TTLL3: variants seen among roughly 807,000 people sequenced by gnomAD.
TTLL3 encodes tubulin tyrosine ligase like 3.
In TTLL3, 63 loss-of-function variants were observed where a neutral mutation model predicts 75.2. The ratio of observed to expected loss-of-function variants is 0.84; its 90% CI spans 0.68 to 1.03. The LOEUF (loss-of-function observed/expected upper bound fraction) is 1.03, where lower values mean the gene tolerates loss of function less well. Among genes scored for constraint, TTLL3 ranks in the 50% least tolerant of loss-of-function variants. TTLL3 has a pLI of 0.00. For missense variants in TTLL3, 997 were observed against 1,069.9 expected (o/e 0.93, Z 0.95); for synonymous variants, 393 against 418.5 (o/e 0.94, Z 0.74).
rs2081253767 is a variant in TTLL3, at chr3:9,828,463, C to G, written c.1248-497C>G. 5 of 160,554 alleles carry G rather than the reference C, an allele frequency of 3.1e-5. No homozygotes were observed. The South Asian group carries it at 9.0e-4, about 29-fold the overall frequency. 9.9% of individuals were successfully genotyped at this position (160,554 alleles called of 1,614,324 possible). On this transcript the variant is annotated intron_variant, in intron 10 of 13. Transcript: ENST00000685419. ...AGCACTTTGTATACATGATCTCATTCTTAATAAGAACCCAGTGCATACTTC... is the reference window on the plus strand; with the variant it reads ...AGCACTTTGTATACATGATCTCATTGTTAATAAGAACCCAGTGCATACTTC...
intron 5 of TTLL3, among the ~76,000 whole-genome samples, chr3:9,817,248 T>C (rs1435939655): frequency 6.6e-6 from 1 of 151,978 alleles, no homozygotes; most frequent in Non-Finnish European, 1.5e-5. Flanking sequence ...CACGGTGAAA[T>C]GCCGTCTCTA....
chr3:9,815,099 G>A (rs1010596958), intron 4 of TTLL3, among the ~76,000 whole-genome samples: 1 of 151,970 alleles, frequency 6.6e-6, no homozygotes, highest in Non-Finnish European at 1.5e-5. Context: ...AATTAGCTGG[G>A]CCTGGTGGCG....
At chr3:9,816,894 G>A (rs2079922742) in intron 5 of TTLL3, among the ~76,000 whole-genome samples, 2 of 152,112 alleles carry the variant, frequency 1.3e-5, no homozygotes, top group African/African-American at 2.4e-5. Flanking sequence ...TGGGGTTGTG[G>A]CAAGGATGAA....
chr3:9,816,185 G>A lies in TTLL3; in HGVS notation c.427G>A (p.Gly143Ser), dbSNP rs775857734. The A allele has an allele frequency of 2.2e-6, 3 of 1,354,154 alleles. No homozygotes were observed. The highest frequency in any genetic ancestry group is 2.4e-5 in the South Asian group (2 of 85,000). The allele number at this position is 1,354,154 out of a possible 1,614,324, so 83.9% of individuals were successfully genotyped here. A position where few individuals can be genotyped will look rare whatever the true frequency, so the allele number is the denominator to read the frequency against. ...DQMINHYARAGSFTTKVGLCL... is the reference protein window; with the variant it reads ...DQMINHYARASSFTTKVGLCL... ...GATGATAAACCACTACGCCCGGGCT[G>A]GCTCCTTTACCACAAAGGTGGGCTC... is the stretch of plus-strand genomic sequence containing the variant. Residue 143 changes from glycine (G) to serine (S), a missense_variant, in exon 5 of 14, where the codon GGC becomes AGC. Physicochemically the swap from Gly to Ser is moderately conservative, Grantham distance 56. Transcript: ENST00000685419.
chr3:9,819,806 G>T, intron 7 of TTLL3: 1 of 985,512 alleles, frequency 1.0e-6, no homozygotes, highest in Non-Finnish European at 1.2e-6. Flanking sequence ...TCTCTTGTGT[G>T]TGTCATGCAC....
upstream of TTLL3, chr3:9,809,964 G>A: frequency 7.7e-7 from 1 of 1,293,848 alleles, no homozygotes; most frequent in South Asian, 2.5e-5. Flanking sequence ...GCGGAGGGGC[G>A]CGGGATCAGG....
chr3:9,810,211 G>C, upstream of TTLL3: 1 of 1,489,144 alleles, frequency 6.7e-7, no homozygotes. The surrounding 1 kb of genome is among the most constrained non-coding windows in gnomAD (Gnocchi z 4.4). Flanking sequence ...GGCCGGCCCT[G>C]CCTCCGCCCA....
At position 9,825,948 on chromosome 3, in the gene TTLL3, G is replaced by C. The variant is rs766360882; in HGVS notation, c.1003G>C (p.Gly335Arg). 11 of 1,612,322 alleles carry C rather than the reference G, an allele frequency of 6.8e-6. No individual in the cohort carries two copies. The highest frequency in any genetic ancestry group is 8.5e-6 in the Non-Finnish European group (10 of 1,178,594). The change falls in exon 9 of 14, where the codon GGC becomes CGC. Residue 335 changes from glycine (G) to arginine (R), a missense_variant and splice_region_variant. Physicochemically the swap from Gly to Arg is moderately radical, Grantham distance 125. Coordinates refer to ENST00000685419, the MANE Select transcript of TTLL3 (RefSeq NM_001387446.1). The stretch of plus-strand genomic sequence containing the variant: ...GCCAGGAGCCAAGTCCCGCGGACGA[G>C]GTGGGGGTCAGCTCCTGCTTCCTGC... The part of the protein sequence containing the change: ...VKPGAKSRGR[G>R]IMCMDHLEEM...
At chr3:9,810,022 G>A, upstream of TTLL3, 1 of 1,312,498 alleles carries the variant, frequency 7.6e-7, no homozygotes, top group South Asian at 2.1e-5. This position sits in a 1 kb window ranked among gnomAD's most constrained non-coding sequence, Gnocchi z 4.4. Flanking sequence ...GGGCCCCGAC[G>A]CGCCACTGCT....
At position 9,835,719 on chromosome 3, in the gene TTLL3, A is replaced by G; in HGVS notation, c.*230A>G. On this transcript the variant is annotated 3_prime_UTR_variant, in exon 14 of 14. Coordinates refer to ENST00000685419, the MANE Select transcript of TTLL3 (RefSeq NM_001387446.1). ...ATTGCCAGAACTGCCGAGCACTGGG[A>G]GCCCCCCAACCCCAGAGAACAAGCC... 1 of 506,544 alleles carries G rather than the reference A, an allele frequency of 2.0e-6. No individual in the cohort carries two copies. The highest frequency in any genetic ancestry group is 1.9e-5 in the African/African-American group (1 of 51,446). 31.4% of individuals were successfully genotyped at this position (506,544 alleles called of 1,614,324 possible).
chr3:9,835,173 T>C lies in TTLL3; in HGVS notation c.2132T>C (p.Leu711Pro), dbSNP rs1444045303. Reference protein sequence around the residue: ...CLCPLKSEQFLAPVGRSRPKA... With the variant: ...CLCPLKSEQFPAPVGRSRPKA... ...TGCCCTTTGAAGTCGGAACAATTCC[T>C]AGCACCTGTCGGAAGGTCAAGGCCA... The change falls in exon 14 of 14, where the codon CTA becomes CCA. Residue 711 changes from leucine (L) to proline (P), a missense_variant. Physicochemically the swap from Leu to Pro is moderately conservative, Grantham distance 98 (BLOSUM62 -3). Coordinates refer to ENST00000685419, the MANE Select transcript of TTLL3 (RefSeq NM_001387446.1). The C allele has an allele frequency of 2.5e-6, 4 of 1,614,090 alleles. No homozygotes were observed. In the Admixed American group the frequency reaches 5.0e-5, roughly 20 times the overall value.
chr3:9,826,617 C>A (rs575640259), intron 9 of TTLL3, among the ~76,000 whole-genome samples: 23 of 151,678 alleles, frequency 1.5e-4, no homozygotes, highest in African/African-American at 5.3e-4. Flanking sequence ...CCCATAATCC[C>A]AGCTACTCGG....
Position 9,816,194 on chromosome 3 carries a change from A to G in TTLL3, c.436A>G (p.Thr146Ala), listed in dbSNP as rs1490061153. 7.4e-7 allele frequency: 1 copy of G among 1,352,312 alleles called. No homozygotes were observed. Among genetic ancestry groups the G allele is most frequent in the Non-Finnish European group, 9.9e-7 (1 of 1,015,138 alleles). The allele number at this position is 1,352,312 out of a possible 1,614,324, so 83.8% of individuals were successfully genotyped here. The change falls in exon 5 of 14, where the codon ACC becomes GCC. Residue 146 changes from threonine to alanine, a missense_variant. Physicochemically the swap from Thr to Ala is moderately conservative, Grantham distance 58 (BLOSUM62 0). Coordinates refer to ENST00000685419, the MANE Select transcript of TTLL3 (RefSeq NM_001387446.1). ...CCACTACGCCCGGGCTGGCTCCTTT[A>G]CCACAAAGGTGGGCTCCCTAGAGGA... ...INHYARAGSFTTKVGLCLNLR... is the reference protein window; with the variant it reads ...INHYARAGSFATKVGLCLNLR...
At chr3:9,823,402 GTT>G (rs60013146) in intron 8 of TTLL3, among the ~76,000 whole-genome samples, 7 of 124,986 alleles carry the variant, frequency 5.6e-5, no homozygotes, top group Non-Finnish European at 9.8e-5. Flanking sequence ...CAAACAGCCA[GTT>G]TTTTTTTTTT....
At chr3:9,811,366 T>C (rs1349324440) in intron 2 of TTLL3, among the ~76,000 whole-genome samples, 1 of 152,198 alleles carries the variant, frequency 6.6e-6, no homozygotes, top group East Asian at 1.9e-4. Context: ...GTCTCCAGTC[T>C]TTCCCATCTC....
At position 9,834,960 on chromosome 3, in the gene TTLL3, AG is replaced by A. The variant is rs751695597; in HGVS notation, c.2052+56del. 8 of 1,612,940 alleles carry A rather than the reference AG, an allele frequency of 5.0e-6. No individual in the cohort carries two copies. In the South Asian group the frequency reaches 8.8e-5, roughly 18 times the overall value. ...AGTGGACAGTGCTGAGCACGGGGTC[AG>A]GGCTGGAGGGCACAGGCAGAGGGCA... On this transcript the variant is annotated intron_variant, in intron 13 of 13. Transcript: ENST00000685419.
At position 9,826,466 on chromosome 3, in the gene TTLL3, C is replaced by T. The variant is rs9821624; in HGVS notation, c.1003+518C>T. Reference sequence around the variant, plus strand: ...CCCCAACACTGGCCAGGTACAGTGGCTCATGCTTGTAATCCCAGCAGTCTG... The same window carrying T: ...CCCCAACACTGGCCAGGTACAGTGGTTCATGCTTGTAATCCCAGCAGTCTG... On this transcript the variant is annotated intron_variant, in intron 9 of 13. Coordinates refer to ENST00000685419, the MANE Select transcript of TTLL3 (RefSeq NM_001387446.1). Among the ~76,000 whole-genome samples the T allele has an allele frequency of 3.3e-3, 500 of 152,294 alleles. 1 individual carries two copies. Among genetic ancestry groups the T allele is most frequent in the African/African-American group, 0.011 (471 of 41,564 alleles).
At chr3:9,817,541 G>T in intron 5 of TTLL3, 104 bp from the exon 6 acceptor site, 1 of 1,590,730 alleles carries the variant, frequency 6.3e-7, no homozygotes, top group Non-Finnish European at 8.6e-7. Context: ...TGCAAGCGGG[G>T]CCAAGGCTCT....
intron 4 of TTLL3, among the ~76,000 whole-genome samples, chr3:9,814,208 C>T (rs907195254): frequency 1.3e-5 from 2 of 151,986 alleles, no homozygotes; most frequent in African/African-American, 2.4e-5. Flanking sequence ...TGGTGGCAGG[C>T]GCCTGTAATC....
Sources: allele counts gnomAD v4.1 joint callset (sites outside exome capture counted in the v4.1 genomes callset), GRCh38; gene constraint gnomAD v4.1.1; non-coding constraint Gnocchi (gnomAD v3.1); transcripts MANE v1.5; gene names NCBI Gene and HGNC (gene_info 2026-07-23, HGNC 2026-07-21).